Variants in ROR1 observed in about 807,000 individuals in gnomAD.
ROR1 encodes the protein inactive tyrosine-protein kinase transmembrane receptor ROR1.
Under a neutral mutation model 78.8 loss-of-function variants are expected in ROR1, and 19 were observed. The observed-to-expected ratio is 0.24, with a 90% CI of 0.17 to 0.35. The LOEUF is 0.35. Among genes scored for constraint, ROR1 ranks in the 10% least tolerant of loss-of-function variants. ROR1 has a pLI of 1.00. For missense variants in ROR1, 917 were observed against 1,177.8 expected, an observed-to-expected ratio of 0.78 and a Z score of 3.24; for synonymous variants, 386 against 433.6, an observed-to-expected ratio of 0.89 and a Z score of 1.36.
intron 1 of ROR1, among the ~76,000 whole-genome samples, chr1:63,787,206 G>C (rs1461132688): frequency 6.6e-6 from 1 of 152,100 alleles, no homozygotes; most frequent in South Asian, 2.1e-4. Context: ...ATCCAGGAAG[G>C]CACCCTGGCC....
chr1:63,852,309 T>C (rs1645118979), intron 1 of ROR1, among the ~76,000 whole-genome samples: 1 of 152,198 alleles, frequency 6.6e-6, no homozygotes, highest in Admixed American at 6.5e-5. Context: ...TGGCAAACTC[T>C]TCCTTTTGTA....
chr1:64,161,568 C>T (rs1007634999), intron 8 of ROR1, among the ~76,000 whole-genome samples: 2 of 140,960 alleles, frequency 1.4e-5, no homozygotes, highest in Non-Finnish European at 3.2e-5. Context: ...GTTCCCCATC[C>T]TTCATGGTCA....
chr1:63,904,481 C>T (rs1270918154), intron 1 of ROR1, among the ~76,000 whole-genome samples: 2 of 152,170 alleles, frequency 1.3e-5, no homozygotes, highest in Non-Finnish European at 2.9e-5. Flanking sequence ...CTGGACTTCT[C>T]AATTCATTTA....
intron 4 of ROR1, among the ~76,000 whole-genome samples, chr1:64,060,389 C>T (rs1015251326): frequency 6.6e-6 from 1 of 152,174 alleles, no homozygotes; most frequent in African/African-American, 2.4e-5. Context: ...CAACCAGAGA[C>T]CTTGAAGCCT....
At chr1:63,956,918 A>G (rs755800492) in intron 1 of ROR1, among the ~76,000 whole-genome samples, 18 of 152,306 alleles carry the variant, frequency 1.2e-4, no homozygotes, top group African/African-American at 3.9e-4. Context: ...AAGAAAATGT[A>G]GCATCTATTT....
chr1:64,156,937 C>T lies in ROR1; in HGVS notation c.1175-2044C>T, dbSNP rs1174826611. Among the ~76,000 whole-genome samples, 3 of 152,140 alleles carry T rather than the reference C, an allele frequency of 2.0e-5. No individual in the cohort carries two copies. In the East Asian group the frequency reaches 5.8e-4, roughly 29 times the overall value. On this transcript the variant is annotated intron_variant, in intron 7 of 8. Transcript: ENST00000371079. ...CGATGGAATCCCAGCTTTTGACTTA[C>T]TAGCAGCATGTCCTTGGGCAACTTA...
At chr1:63,958,892 A>G (rs1429363299) in intron 1 of ROR1, among the ~76,000 whole-genome samples, 1 of 152,162 alleles carries the variant, frequency 6.6e-6, no homozygotes, top group Non-Finnish European at 1.5e-5. Flanking sequence ...ATCTCACTGA[A>G]CAGAACTTGG....
At chr1:63,847,559 T>C (rs1238907461) in intron 1 of ROR1, among the ~76,000 whole-genome samples, 1 of 152,148 alleles carries the variant, frequency 6.6e-6, no homozygotes, top group African/African-American at 2.4e-5. Flanking sequence ...GATGGTGCCA[T>C]GCTGGCGTCT....
At position 64,177,418 on chromosome 1, in the gene ROR1, T is replaced by C. The variant is rs1405989870; in HGVS notation, c.1387-10T>C. The C allele has an allele frequency of 6.2e-7, 1 of 1,601,340 alleles. No homozygotes were observed. The highest frequency in any genetic ancestry group is 8.5e-7 in the Non-Finnish European group (1 of 1,174,450). On this transcript the variant is annotated splice_polypyrimidine_tract_variant and intron_variant, in intron 8 of 8. Coordinates refer to ENST00000371079, the MANE Select transcript of ROR1 (RefSeq NM_005012.4). ...TGTTTTAAACCACGTTTTTCCTCTC[T>C]TTCATACAGAGCAAGGCTAAAGAGC...
intron 1 of ROR1, among the ~76,000 whole-genome samples, chr1:63,889,828 A>T (rs1329130283): frequency 6.6e-6 from 1 of 152,180 alleles, no homozygotes; most frequent in Non-Finnish European, 1.5e-5. Flanking sequence ...AACTACCCTG[A>T]AGGGAAGATT....
intron 1 of ROR1, among the ~76,000 whole-genome samples, chr1:63,934,330 A>G (rs1374076904): frequency 6.6e-6 from 1 of 152,146 alleles, no homozygotes; most frequent in Non-Finnish European, 1.5e-5. Context: ...CAAGAGACTT[A>G]CACTCATTAA....
chr1:64,050,778 A>G, intron 4 of ROR1, 62 bp downstream of exon 4: 1 of 1,527,660 alleles, frequency 6.5e-7, no homozygotes, highest in Non-Finnish European at 9.1e-7. Flanking sequence ...TTCTAGGGCA[A>G]AAGCAATGTT....
intron 1 of ROR1, among the ~76,000 whole-genome samples, chr1:63,829,015 T>G (rs1484511068): frequency 1.3e-5 from 2 of 152,264 alleles, no homozygotes. Context: ...ATTGATGTAC[T>G]GATATATTGA....
chr1:64,049,636 G>T, intron 2 of ROR1, 55 bp from the exon 3 acceptor site: 2 of 1,529,922 alleles, frequency 1.3e-6, no homozygotes, highest in South Asian at 1.2e-5. Context: ...TTGGCTGCTT[G>T]GAAGCCCTCT....
At chr1:64,070,425 C>G (rs1035675656) in intron 4 of ROR1, among the ~76,000 whole-genome samples, 1 of 152,130 alleles carries the variant, frequency 6.6e-6, no homozygotes, top group Non-Finnish European at 1.5e-5. Context: ...CCCTCCTGGG[C>G]TCAAGTAATT....
In ROR1 at chr1:64,178,895, A is replaced by G. The variant is rs1650472683; in HGVS notation, c.*40A>G. On this transcript the variant is annotated 3_prime_UTR_variant, in exon 9 of 9. Coordinates refer to ENST00000371079, the MANE Select transcript of ROR1 (RefSeq NM_005012.4). This position sits in a 1 kb window ranked among gnomAD's most constrained non-coding sequence, Gnocchi z 4.3. Reference sequence around the variant, plus strand: ...GTAAATGTGGTATACAGGACAAACTAGACGGCCGTAGAAAAGATTTATATT... The same window carrying G: ...GTAAATGTGGTATACAGGACAAACTGGACGGCCGTAGAAAAGATTTATATT... 1 of 1,425,316 alleles carries G rather than the reference A, an allele frequency of 7.0e-7. No homozygotes were observed. Among genetic ancestry groups the G allele is most frequent in the African/African-American group, 1.4e-5 (1 of 69,616 alleles). The allele number at this position is 1,425,316 out of a possible 1,614,324, so 88.3% of individuals were successfully genotyped here. A position where few individuals can be genotyped will look rare whatever the true frequency, so the allele number is the denominator to read the frequency against.
intron 1 of ROR1, among the ~76,000 whole-genome samples, chr1:63,928,138 G>C (rs1260946642): frequency 2.0e-5 from 3 of 152,174 alleles, no homozygotes. Context: ...TCATGAAATT[G>C]ATCTTGAAGC....
intron 8 of ROR1, among the ~76,000 whole-genome samples, chr1:64,165,206 A>G (rs1303960713): frequency 2.0e-5 from 3 of 152,376 alleles, no homozygotes; most frequent in South Asian, 2.1e-4. Flanking sequence ...CACTCCCATC[A>G]ACAGTGTATA....
intron 8 of ROR1, among the ~76,000 whole-genome samples, chr1:64,176,227 G>A (rs1381043121): frequency 6.6e-6 from 1 of 152,164 alleles, no homozygotes; most frequent in Non-Finnish European, 1.5e-5. Context: ...AGGGATATAC[G>A]TTGGTATGAA....
Sources: allele counts gnomAD v4.1 joint callset (sites outside exome capture counted in the v4.1 genomes callset), GRCh38; gene constraint gnomAD v4.1.1; non-coding constraint Gnocchi (gnomAD v3.1); transcripts MANE v1.5; gene names NCBI Gene and HGNC (gene_info 2026-07-23, HGNC 2026-07-21).